TUB: variants seen among roughly 807,000 people sequenced by gnomAD.
The protein encoded by TUB is TUB bipartite transcription factor.
A neutral mutation model predicts 59.7 loss-of-function variants in TUB; 33 were observed. The ratio of observed to expected loss-of-function variants is 0.55; its 90% CI spans 0.42 to 0.74. The LOEUF is 0.74. TUB is among the 30% of genes least tolerant of loss of function. TUB has a pLI of 0.00. For missense variants in TUB, 659 were observed against 672.0 expected (o/e 0.98, Z 0.21); for synonymous variants, 293 against 256.4 (o/e 1.14, Z -1.36).
In TUB at chr11:8,102,689, T is replaced by C. The variant is rs1375071606; in HGVS notation, c.*1070T>C. ...AACCATGTAGGTTCTTGGGAGGGAA[T>C]GGGACAGGGTGAATAAAGCAGGGAA... On this transcript the variant is annotated 3_prime_UTR_variant, in exon 12 of 12. Transcript: ENST00000299506. The C allele has an allele frequency of 6.6e-6, 1 of 152,132 alleles. No homozygotes were observed. The highest frequency in any genetic ancestry group is 2.4e-5 in the African/African-American group (1 of 41,418). 9.4% of individuals were successfully genotyped at this position (152,132 alleles called of 1,614,324 possible).
Position 8,081,469 on chromosome 11 carries a change from C to T in TUB, c.-42C>T. On this transcript the variant is annotated 5_prime_UTR_variant, in exon 1 of 12. Coordinates refer to ENST00000299506, the MANE Select transcript of TUB (RefSeq NM_177972.3). ...GCCCCCGCGCCGGCCCCTCCGGGCC[C>T]CGGCCTCCAGAGCCGCAGCCACCGC... 6.9e-7 allele frequency: 1 copy of T among 1,449,578 alleles called. No individual in the cohort carries two copies. 89.8% of individuals were successfully genotyped at this position (1,449,578 alleles called of 1,614,324 possible).
At chr11:8,041,169 T>C (rs1039360344) in intron 2 of TUB, among the ~76,000 whole-genome samples, 1 of 152,230 alleles carries the variant, frequency 6.6e-6, no homozygotes, top group Non-Finnish European at 1.5e-5. Context: ...GCAGGGACTC[T>C]TGGCCATACT....
intron 2 of TUB, among the ~76,000 whole-genome samples, chr11:8,049,594 G>GAT: frequency 8.3e-6 from 1 of 120,822 alleles, no homozygotes; most frequent in Non-Finnish European, 1.8e-5. Context: ...TAGATAGATA[G>GAT]ATAGATAGAT....
rs182811266 is a variant in TUB at position 8,093,547 on chromosome 11, C to T, written c.254-499C>T. On this transcript the variant is annotated intron_variant, in intron 3 of 11. Coordinates refer to ENST00000299506, the MANE Select transcript of TUB (RefSeq NM_177972.3). The stretch of plus-strand genomic sequence containing the variant: ...TGTTGGTGCCTGTAGCTTCTTGTGT[C>T]CCAGAGTTGTTGTTCTGAGCACTCC... 5.0e-4 allele frequency among the ~76,000 whole-genome samples: 76 copies of T among 152,252 alleles called. 1 individual carries two copies. The highest frequency in any genetic ancestry group is 1.7e-3 in the African/African-American group (72 of 41,542).
intron 8 of TUB, among the ~76,000 whole-genome samples, 179 bp downstream of exon 8, chr11:8,098,005 C>T (rs1944078478): frequency 6.6e-6 from 1 of 152,152 alleles, no homozygotes; most frequent in African/African-American, 2.4e-5. Flanking sequence ...TAGAGCCAGA[C>T]TTGGAGATGG....
At chr11:8,090,914 TG>T (rs113854550) in intron 3 of TUB, among the ~76,000 whole-genome samples, 10,902 of 152,040 alleles carry the variant, frequency 0.072, 531 homozygotes, top group African/African-American at 0.15. Flanking sequence ...ACTGAGGGGT[TG>T]GGGGTCTCTG....
chr11:8,024,477 C>G (rs976758480), intron 1 of TUB, among the ~76,000 whole-genome samples: 1 of 151,988 alleles, frequency 6.6e-6, no homozygotes, highest in Non-Finnish European at 1.5e-5. Context: ...CTTATCTGCA[C>G]CCCGTGTGTT....
At position 8,096,467 on chromosome 11, in the gene TUB, A is replaced by T. The variant is rs139191462; in HGVS notation, c.566-218A>T. ...TGAGGATTGTGGCCAGCCCCGGCTCATGTGTGTACCTGAGAGAATATCCTT... is the reference window on the plus strand; with the variant it reads ...TGAGGATTGTGGCCAGCCCCGGCTCTTGTGTGTACCTGAGAGAATATCCTT... On this transcript the variant is annotated intron_variant, in intron 5 of 11. Coordinates refer to ENST00000299506, the MANE Select transcript of TUB (RefSeq NM_177972.3). 1.2e-3 allele frequency among the ~76,000 whole-genome samples: 185 copies of T among 152,268 alleles called. 4 individuals are homozygous for T. In the East Asian group the frequency reaches 0.032, roughly 26 times the overall value.
chr11:8,090,280 G>C (rs765696489), intron 3 of TUB, 49 bp downstream of exon 3: 1 of 1,597,052 alleles, frequency 6.3e-7, no homozygotes, highest in East Asian at 2.2e-5. Flanking sequence ...CGGGGAGCCC[G>C]TCACTTCCTG....
At chr11:8,024,224 C>T (rs541348699) in intron 1 of TUB, among the ~76,000 whole-genome samples, 8 of 152,334 alleles carry the variant, frequency 5.3e-5, no homozygotes, top group South Asian at 4.1e-4. Flanking sequence ...ATGCTCAGCA[C>T]GACTCTAGCC....
At chr11:8,100,692 T>C in intron 10 of TUB, 91 bp downstream of exon 10, 4 of 1,482,718 alleles carry the variant, frequency 2.7e-6, no homozygotes, top group South Asian at 1.1e-5. Flanking sequence ...TGTGTGTATG[T>C]GGAGGGGTAC....
At chr11:8,101,380 T>C (rs1380363516) in intron 11 of TUB, 106 bp from the exon 12 acceptor site, 3 of 1,406,906 alleles carry the variant, frequency 2.1e-6, no homozygotes, top group African/African-American at 2.8e-5. Flanking sequence ...CATCTCTGCT[T>C]CTCACTTGTT....
intron 11 of TUB, 77 bp downstream of exon 11, chr11:8,101,074 CCT>C: frequency 6.6e-7 from 1 of 1,522,918 alleles, no homozygotes; most frequent in Non-Finnish European, 9.0e-7. Flanking sequence ...CCCACCTAGC[CCT>C]GCCTACACTG....
chr11:8,069,027 G>A (rs1943305001), intron 2 of TUB: 1 of 152,210 alleles, frequency 6.6e-6, no homozygotes, highest in Non-Finnish European at 1.5e-5. Context: ...AATCCCAGAA[G>A]ACTGAGCAGG....
chr11:8,021,812 A>T (rs1331379392), intron 1 of TUB, among the ~76,000 whole-genome samples: 2 of 150,614 alleles, frequency 1.3e-5, no homozygotes, highest in Non-Finnish European at 2.9e-5. Context: ...GCTACTCAGG[A>T]GGCTGAGGCA....
chr11:8,099,158 C>T (rs1260615311), intron 9 of TUB, among the ~76,000 whole-genome samples: 1 of 152,060 alleles, frequency 6.6e-6, no homozygotes, highest in Non-Finnish European at 1.5e-5. Flanking sequence ...AGGAGACGGT[C>T]GCCCTGGGTT....
intron 2 of TUB, among the ~76,000 whole-genome samples, chr11:8,066,262 G>T (rs571041446): frequency 6.6e-6 from 1 of 152,226 alleles, no homozygotes; most frequent in South Asian, 2.1e-4. Flanking sequence ...TTGGCACACA[G>T]CATGACAGCC....
chr11:8,070,611 A>G (rs1369906494), intron 2 of TUB, among the ~76,000 whole-genome samples: 1 of 152,228 alleles, frequency 6.6e-6, no homozygotes, highest in Non-Finnish European at 1.5e-5. Context: ...ATAACTGTTC[A>G]TCAATGCCCC....
intron 2 of TUB, among the ~76,000 whole-genome samples, chr11:8,059,229 G>C (rs1444607488): frequency 6.6e-6 from 1 of 152,144 alleles, no homozygotes; most frequent in African/African-American, 2.4e-5. Flanking sequence ...TCCCTTCTCT[G>C]TAGCAGGCTC....
Sources: allele counts gnomAD v4.1 joint callset (sites outside exome capture counted in the v4.1 genomes callset), GRCh38; gene constraint gnomAD v4.1.1; transcripts MANE v1.5; gene names NCBI Gene and HGNC (gene_info 2026-07-23, HGNC 2026-07-21).